The following SPAST variants were observed in gnomAD, a reference collection of about 807,000 sequenced individuals.
The protein encoded by SPAST is spastin, also known as spastic paraplegia 4 (autosomal dominant; spastin).
Under a neutral mutation model 76.6 loss-of-function variants are expected in SPAST, and 30 were observed. The observed-to-expected ratio is 0.39, with a 90% CI of 0.29 to 0.53. The LOEUF (loss-of-function observed/expected upper bound fraction) is 0.53, where lower values mean the gene tolerates loss of function less well. Ranked by LOEUF, SPAST falls within the 20% of genes least tolerant of loss-of-function variation. SPAST has a pLI of 0.68. For synonymous variants in SPAST, 305 were observed against 281.0 expected (o/e 1.09, Z -0.86); for missense variants, 717 against 770.5 (o/e 0.93, Z 0.82).
At chr2:32,102,704 C>T (rs1278208747) in intron 4 of SPAST, among the ~76,000 whole-genome samples, 1 of 152,170 alleles carries the variant, frequency 6.6e-6, no homozygotes, top group Non-Finnish European at 1.5e-5. Flanking sequence ...TGTCAAAGGC[C>T]TTTTCTGCAT....
chr2:32,113,131 TA>T (rs1678679182), intron 4 of SPAST, among the ~76,000 whole-genome samples: 1 of 152,014 alleles, frequency 6.6e-6, no homozygotes, highest in African/African-American at 2.4e-5. Flanking sequence ...TGATTATTAT[TA>T]TTATTTTTTT....
At chr2:32,108,735 G>GC (rs763388831) in intron 4 of SPAST, among the ~76,000 whole-genome samples, 315 of 143,080 alleles carry the variant, frequency 2.2e-3, no homozygotes, top group Non-Finnish European at 3.6e-3. Flanking sequence ...ATAGGTGTGA[G>GC]CTACTGTGCC....
rs869090344 is a variant in SPAST, at chr2:32,083,750, C to CTATA, written c.416-3718_416-3715dup. On this transcript the variant is annotated intron_variant, in intron 1 of 16. Transcript: ENST00000315285. ...TATATACTATATATATTTATATATA[C>CTATA]TATATATATATATATATATATATAT... is the stretch of plus-strand genomic sequence containing the variant. Among the ~76,000 whole-genome samples the CTATA allele has an allele frequency of 5.3e-3, 332 of 62,764 alleles. 8 individuals are homozygous for CTATA. The highest frequency in any genetic ancestry group is 0.021 in the South Asian group (32 of 1,536). The allele number at this position is 62,764 out of a possible 152,430, so 41.2% of individuals were successfully genotyped here.
At chr2:32,116,093 G>C (rs1212704010) in intron 6 of SPAST, 26 bp from the exon 7 acceptor site, 5 of 1,529,328 alleles carry the variant, frequency 3.3e-6, no homozygotes, top group Middle Eastern at 1.7e-4. Context: ...TTGTATCGTA[G>C]AACTAACTGA....
At chr2:32,148,163 C>G (rs978027692) in intron 16 of SPAST, among the ~76,000 whole-genome samples, 6 of 151,528 alleles carry the variant, frequency 4.0e-5, no homozygotes, top group African/African-American at 1.5e-4. Context: ...AGACTCTTGG[C>G]CTCAAGTAAT....
At chr2:32,142,274 T>C (rs1679744590) in intron 13 of SPAST, among the ~76,000 whole-genome samples, 1 of 152,226 alleles carries the variant, frequency 6.6e-6, no homozygotes, top group Admixed American at 6.5e-5. Flanking sequence ...GATACTGTTA[T>C]CCATTATACA....
chr2:32,124,315 C>G (rs1679121372), intron 7 of SPAST, among the ~76,000 whole-genome samples: 1 of 152,116 alleles, frequency 6.6e-6, no homozygotes, highest in East Asian at 1.9e-4. Context: ...AAAACAACAA[C>G]AAGATACCCT....
At chr2:32,102,259 T>C (rs1239310597) in intron 4 of SPAST, among the ~76,000 whole-genome samples, 2 of 152,246 alleles carry the variant, frequency 1.3e-5, no homozygotes, top group African/African-American at 4.8e-5. Context: ...AGTTCACTCA[T>C]GATTTGGCTG....
chr2:32,127,781 T>C (rs924909685), intron 8 of SPAST: 4 of 152,012 alleles, frequency 2.6e-5, no homozygotes, highest in Non-Finnish European at 5.9e-5. Flanking sequence ...CTTAGATGTT[T>C]GTCTTTCTCA....
chr2:32,093,006 C>CA (rs35879561), intron 3 of SPAST, among the ~76,000 whole-genome samples: 53,447 of 122,748 alleles, frequency 0.44, 11,043 homozygotes, highest in East Asian at 0.67. Context: ...GACTCCGTCT[C>CA]AAAAAAAAAA....
At chr2:32,139,477 A>T (rs1235352634) in intron 12 of SPAST, among the ~76,000 whole-genome samples, 1 of 152,212 alleles carries the variant, frequency 6.6e-6, no homozygotes, top group African/African-American at 2.4e-5. Context: ...TACGCTAATA[A>T]TGTCCAGGCT....
At chr2:32,105,534 G>T (rs564183575) in intron 4 of SPAST, among the ~76,000 whole-genome samples, 2 of 152,086 alleles carry the variant, frequency 1.3e-5, no homozygotes, top group Admixed American at 1.3e-4. Flanking sequence ...GAGAAGAGGC[G>T]CTCTGAATTT....
chr2:32,144,656 C>T (rs969976935), intron 14 of SPAST, among the ~76,000 whole-genome samples: 7 of 151,944 alleles, frequency 4.6e-5, no homozygotes, highest in African/African-American at 9.7e-5. Flanking sequence ...GAGGCTGTGG[C>T]GGGTGGATCA....
intron 1 of SPAST, among the ~76,000 whole-genome samples, chr2:32,068,267 C>T (rs1458014284): frequency 2.6e-5 from 4 of 151,906 alleles, no homozygotes; most frequent in African/African-American, 4.8e-5. Flanking sequence ...CGTGAGCCAC[C>T]GCGCCCGGCA....
intron 12 of SPAST, among the ~76,000 whole-genome samples, chr2:32,139,953 G>A (rs6543651): frequency 0.96 from 146,495 of 152,270 alleles, 70,554 homozygotes; most frequent in Middle Eastern, 1. Context: ...TAAATCAGAG[G>A]TGACACAAAT....
chr2:32,131,723 C>T (rs1397376269), intron 9 of SPAST, among the ~76,000 whole-genome samples: 2 of 124,492 alleles, frequency 1.6e-5, no homozygotes, highest in Admixed American at 2.1e-4. Flanking sequence ...AGTGCAGTGG[C>T]GTGATCTCGG....
At position 32,114,778 on chromosome 2, in the gene SPAST, G is replaced by T. The variant is rs1232503303; in HGVS notation, c.823G>T (p.Val275Phe). Residue 275 changes from valine to phenylalanine, a missense_variant, in exon 5 of 17, where the codon GTT becomes TTT. Coordinates refer to ENST00000315285, the MANE Select transcript of SPAST (RefSeq NM_014946.4). The part of the protein sequence containing the change: ...RAPSYSGLSM[V>F]SGVKQGSGPA... Reference sequence around the variant, plus strand: ...ACCTAGTTACAGTGGTTTATCCATGGTTTCTGGAGTGAAACAGGGATCTGG... The same window carrying T: ...ACCTAGTTACAGTGGTTTATCCATGTTTTCTGGAGTGAAACAGGGATCTGG... The T allele has an allele frequency of 6.2e-7, 1 of 1,614,048 alleles. No individual in the cohort carries two copies. The highest frequency in any genetic ancestry group is 8.5e-7 in the Non-Finnish European group (1 of 1,179,982).
At chr2:32,118,629 C>T (rs893006739) in intron 7 of SPAST, among the ~76,000 whole-genome samples, 5 of 152,138 alleles carry the variant, frequency 3.3e-5, no homozygotes, top group Admixed American at 6.6e-5. Context: ...TAGCAGTCTT[C>T]TGATCGATTC....
intron 1 of SPAST, among the ~76,000 whole-genome samples, chr2:32,066,662 C>T (rs1284098869): frequency 6.0e-5 from 9 of 150,476 alleles, no homozygotes; most frequent in East Asian, 4.0e-4. Flanking sequence ...AGCAAGACTC[C>T]GTCTTGAAAA....
Sources: gnomAD v4.1 joint callset for allele counts (sites outside exome capture counted in the v4.1 genomes callset) on GRCh38, gnomAD v4.1.1 for gene constraint, MANE v1.5 for transcripts, NCBI Gene and HGNC (gene_info 2026-07-23, HGNC 2026-07-21) for gene names.